Variants in MYH4 observed in about 807,000 individuals in gnomAD.
MYH4 encodes myosin heavy chain 4.
A neutral mutation model predicts 229.9 loss-of-function variants in MYH4; 200 were observed. That is an observed-to-expected ratio of 0.87 (90% CI 0.78 to 0.98). The LOEUF is 0.98. Among genes scored for constraint, MYH4 ranks in the 50% least tolerant of loss-of-function variants. The pLI is 0.00. For synonymous variants in MYH4, 761 were observed against 834.6 expected (o/e 0.91, Z 1.52); for missense variants, 2,148 against 2,332.6 (o/e 0.92, Z 1.63).
Position 10,453,804 on chromosome 17 carries a change from C to T in MYH4, c.2773G>A (p.Glu925Lys). The T allele has an allele frequency of 1.2e-6, 2 of 1,614,104 alleles. No individual in the cohort carries two copies. The highest frequency in any genetic ancestry group is 1.7e-6 in the Non-Finnish European group (2 of 1,180,000). Residue 925 changes from glutamate (E) to lysine (K), a missense_variant, in exon 23 of 40, where the codon GAG becomes AAG. Glu to Lys is a moderately conservative substitution (Grantham distance 56). Coordinates refer to ENST00000255381, the MANE Select transcript of MYH4 (RefSeq NM_017533.2). ...TKIQLEAKIK[E>K]VTERAEDEEE... ...TCATCCTCAGCTCTTTCAGTTACCTCTTTGATTTTGGCCTCAAGTTGGATT... is the reference window on the plus strand; with the variant it reads ...TCATCCTCAGCTCTTTCAGTTACCTTTTTGATTTTGGCCTCAAGTTGGATT...
Position 10,459,318 on chromosome 17 carries a change from T to G in MYH4, c.1520A>C (p.Glu507Ala), listed in dbSNP as rs200100694. The change falls in exon 15 of 40, where the codon GAA becomes GCA. Residue 507 changes from glutamate (E) to alanine (A), a missense_variant. Glu to Ala is a moderately radical substitution (Grantham distance 107). Transcript: ENST00000255381. Reference protein sequence around the residue: ...FVLEQEEYKKEGIEWEFIDFG... With the variant: ...FVLEQEEYKKAGIEWEFIDFG... ...GTCAATGAACTCCCACTCGATGCCT[T>G]CCTTCTTGTACTCTTCCTGCTCCAG... 6.0e-5 allele frequency: 97 copies of G among 1,614,148 alleles called. No homozygotes were observed. The highest frequency in any genetic ancestry group is 1.2e-4 in the African/African-American group (9 of 75,030).
rs2072625086 is a variant in MYH4 at position 10,455,183 on chromosome 17, C to T, written c.2287G>A (p.Gly763Ser). 24 of 1,614,016 alleles carry T rather than the reference C, an allele frequency of 1.5e-5. 1 individual carries two copies. Among genetic ancestry groups the T allele is most frequent in the Middle Eastern group, 1.6e-4 (1 of 6,062 alleles). Reference sequence around the variant, plus strand: ...TGGACTGGTGATACCTTGGTATGACCGAATTTGTACTGGGTGTGGTCAATT... The same window carrying T: ...TGGACTGGTGATACCTTGGTATGACTGAATTTGTACTGGGTGTGGTCAATT... ...IEIDHTQYKF[G>S]HTKVFFKAGL... Residue 763 changes from glycine (G) to serine (S), a missense_variant, in exon 20 of 40, where the codon GGT (glycine) becomes AGT (serine). By Grantham distance (56) the Gly-to-Ser change is moderately conservative. Transcript: ENST00000255381.
rs368975834 is a variant in MYH4 at position 10,466,647 on chromosome 17, A to T, written c.99T>A (p.Asp33Glu). Residue 33 changes from aspartate to glutamate, a missense_variant, in exon 3 of 40, where the codon GAT becomes GAA. Coordinates refer to ENST00000255381, the MANE Select transcript of MYH4 (RefSeq NM_017533.2). ...ERIEAQNKPF[D>E]AKTSVFVVDP... The stretch of plus-strand genomic sequence containing the variant: ...CCACCACAAAGACTGATGTCTTGGC[A>T]TCAAAAGGCTTGTTCTGAGCTTCAA... 2 of 1,614,144 alleles carry T rather than the reference A, an allele frequency of 1.2e-6. No individual in the cohort carries two copies. Among genetic ancestry groups the T allele is most frequent in the Non-Finnish European group, 1.7e-6 (2 of 1,180,036 alleles).
In MYH4 at chr17:10,445,116, C is replaced by A; in HGVS notation, c.5326G>T (p.Glu1776Ter). 1.9e-6 allele frequency: 3 copies of A among 1,614,172 alleles called. No homozygotes were observed. Among genetic ancestry groups the A allele is most frequent in the Non-Finnish European group, 2.5e-6 (3 of 1,180,030 alleles). The change falls in exon 37 of 40, where the codon GAA (glutamate) becomes TAA (stop). Residue 1776 changes from glutamate to a stop codon, truncating the protein, a stop_gained. Transcript: ENST00000255381. LOFTEE classifies it high-confidence loss of function. ...AAMMAEELKKEQDTSAHLERM... is the reference protein window; with the variant it reads ...AAMMAEELKK ...TCCAGGTGGGCGCTGGTGTCCTGTT[C>A]CTTCTTCAGCTCCTCAGCCATCATG...
Position 10,454,591 on chromosome 17 carries a change from C to T in MYH4, c.2655G>A (p.Met885Ile). 1 of 1,614,040 alleles carries T rather than the reference C, an allele frequency of 6.2e-7. No individual in the cohort carries two copies. ...KELEEKMVTL[M>I]QEKNDLQLQV... ...GGAGTTGTAAGTCATTTTTCTCTTG[C>T]ATTAGCGTCACCATCTTTTCTTCTA... The change falls in exon 22 of 40, where the codon ATG becomes ATA. Residue 885 changes from methionine (M) to isoleucine (I), a missense_variant. Transcript: ENST00000255381.
chr17:10,452,818 C>T lies in MYH4; in HGVS notation c.3226G>A (p.Asp1076Asn), dbSNP rs201422966. 1 of 1,608,904 alleles carries T rather than the reference C, an allele frequency of 6.2e-7. No homozygotes were observed. The highest frequency in any genetic ancestry group is 8.5e-7 in the Non-Finnish European group (1 of 1,179,170). ...AQESTMDTEN[D>N]KQQLNEKLKK... ...AGTTTCTCATTAAGTTGCTGTTTGTCATTTTCTGTATCCATTGTGGATTCT... is the reference window on the plus strand; with the variant it reads ...AGTTTCTCATTAAGTTGCTGTTTGTTATTTTCTGTATCCATTGTGGATTCT... Residue 1076 changes from aspartate to asparagine, a missense_variant, in exon 25 of 40, where the codon GAC becomes AAC. By Grantham distance (23) the Asp-to-Asn change is conservative. Transcript: ENST00000255381.
Position 10,462,853 on chromosome 17 carries a change from C to A in MYH4, c.1008+12G>T, listed in dbSNP as rs1157605733. ...TGAATTTACTTTTTACTACTTTGTA[C>A]CTATTACTTACATCTGTGGCCATCA... On this transcript the variant is annotated intron_variant, in intron 11 of 39. Coordinates refer to ENST00000255381, the MANE Select transcript of MYH4 (RefSeq NM_017533.2). 6.2e-7 allele frequency: 1 copy of A among 1,602,720 alleles called. No individual in the cohort carries two copies. Among genetic ancestry groups the A allele is most frequent in the Non-Finnish European group, 8.5e-7 (1 of 1,171,064 alleles).
chr17:10,464,359 T>G (rs775880187), intron 7 of MYH4, 113 bp downstream of exon 7: 3 of 876,710 alleles, frequency 3.4e-6, no homozygotes, highest in Non-Finnish European at 5.2e-6. Context: ...TAAGGCTGCA[T>G]AGTATTCCAT....
Position 10,463,699 on chromosome 17 carries a change from A to G in MYH4, c.649-56T>C, listed in dbSNP as rs2072728620. 3.6e-6 allele frequency: 5 copies of G among 1,380,810 alleles called. No homozygotes were observed. The East Asian group carries it at 9.2e-5, about 25-fold the overall frequency. 85.5% of individuals were successfully genotyped at this position (1,380,810 alleles called of 1,614,324 possible). ...AAAAAGTTGCAGTAAATAATTTCCC[A>G]TTGACCTCTTTCCCTTCCCCATTGC... On this transcript the variant is annotated intron_variant, in intron 7 of 39. Transcript: ENST00000255381.
intron 35 of MYH4, among the ~76,000 whole-genome samples, chr17:10,446,134 A>G (rs1363465085): frequency 1.3e-5 from 2 of 151,846 alleles, no homozygotes; most frequent in Non-Finnish European, 2.9e-5. Context: ...AGTCAACTTC[A>G]GATACTGTTA....
chr17:10,463,174 A>T lies in MYH4; in HGVS notation c.820T>A (p.Ser274Thr), dbSNP rs554671029. The T allele has an allele frequency of 7.2e-5, 116 of 1,613,230 alleles. 1 individual carries two copies. In the South Asian group the frequency reaches 1.2e-3, roughly 17 times the overall value. Residue 274 changes from serine to threonine, a missense_variant, in exon 10 of 40, where the codon TCC (serine) becomes ACC (threonine). Ser to Thr is a moderately conservative substitution (Grantham distance 58). Coordinates refer to ENST00000255381, the MANE Select transcript of MYH4 (RefSeq NM_017533.2). ...GCCTTTAGCTGAAAAGTAACTCGGG[A>T]CTTCTCTAGCAGATCTGGAAGTCAG... ...ADIETYLLEK[S>T]RVTFQLKAER...
intron 34 of MYH4, 132 bp from the exon 35 acceptor site, chr17:10,447,348 T>C (rs1001574167): frequency 4.3e-5 from 30 of 704,268 alleles, no homozygotes; most frequent in Non-Finnish European, 6.2e-5. Flanking sequence ...GTACCTTTAA[T>C]AATAAATTCT....
At position 10,455,689 on chromosome 17, in the gene MYH4, T is replaced by G; in HGVS notation, c.2099A>C (p.Asn700Thr). The G allele has an allele frequency of 1.2e-6, 2 of 1,614,170 alleles. No individual in the cohort carries two copies. The highest frequency in any genetic ancestry group is 1.7e-6 in the Non-Finnish European group (2 of 1,180,016). ...GATGCGGATGCCTTCCAGCACACCG[T>G]TACACCTCAGCTGATGCAGGACAAG... ...HELVLHQLRC[N>T]GVLEGIRICR... The change falls in exon 19 of 40, where the codon AAC becomes ACC. Residue 700 changes from asparagine to threonine, a missense_variant. Transcript: ENST00000255381.
In MYH4 at chr17:10,447,952, T is replaced by C; in HGVS notation, c.4831A>G (p.Ser1611Gly). 1 of 1,614,012 alleles carries C rather than the reference T, an allele frequency of 6.2e-7. No individual in the cohort carries two copies. Among genetic ancestry groups the C allele is most frequent in the Non-Finnish European group, 8.5e-7 (1 of 1,179,974 alleles). ...TTGATCCTCAGAGCATCATTTCTGC[T>C]CCTGATCTCAGCATCCAGTGTACTC... is the stretch of plus-strand genomic sequence containing the variant. Reference protein sequence around the residue: ...MQSTLDAEIRSRNDALRIKKK... With the variant: ...MQSTLDAEIRGRNDALRIKKK... Residue 1611 changes from serine (S) to glycine (G), a missense_variant, in exon 34 of 40, where the codon AGC (serine) becomes GGC (glycine). Coordinates refer to ENST00000255381, the MANE Select transcript of MYH4 (RefSeq NM_017533.2).
Position 10,454,636 on chromosome 17 carries a change from T to C in MYH4, c.2610A>G (p.Thr870=). 1 of 1,614,232 alleles carries C rather than the reference T, an allele frequency of 6.2e-7. No homozygotes were observed. Among genetic ancestry groups the C allele is most frequent in the South Asian group, 1.1e-5 (1 of 91,082 alleles). The part of the protein sequence containing the change: ...FEKTKEELAK[T]EAKRKELEEK... ...CTTCTAGTTCTTTCCTTTTTGCCTC[T>C]GTCTTAGCCAGCTCTTCTTTGGTTT... The change falls in exon 22 of 40, where the codon ACA becomes ACG. Residue 870 remains threonine, a synonymous_variant. Coordinates refer to ENST00000255381, the MANE Select transcript of MYH4 (RefSeq NM_017533.2).
intron 27 of MYH4, 26 bp from the exon 28 acceptor site, chr17:10,451,478 A>C: frequency 6.2e-7 from 1 of 1,607,698 alleles, no homozygotes; most frequent in African/African-American, 1.3e-5. Flanking sequence ...GAAAACAGGA[A>C]GAGACAATAC....
intron 2 of MYH4, among the ~76,000 whole-genome samples, chr17:10,468,351 A>C (rs11656907): frequency 0.87 from 132,519 of 152,126 alleles, 58,784 homozygotes; most frequent in East Asian, 1. Flanking sequence ...ATCAAGCCCC[A>C]ATAGAGCCTC....
intron 39 of MYH4, among the ~76,000 whole-genome samples, 197 bp downstream of exon 39, chr17:10,444,407 G>A (rs1454762547): frequency 6.6e-6 from 1 of 152,142 alleles, no homozygotes; most frequent in African/African-American, 2.4e-5. Context: ...ATTGCTTAAA[G>A]AGGTCTCAGA....
rs774164542 is a variant in MYH4 at position 10,449,049 on chromosome 17, T to G, written c.4182-2A>C. The G allele has an allele frequency of 1.2e-6, 2 of 1,613,796 alleles. No homozygotes were observed. The highest frequency in any genetic ancestry group is 1.7e-6 in the Non-Finnish European group (2 of 1,179,912). On this transcript the variant is annotated splice_acceptor_variant, in intron 30 of 39. Transcript: ENST00000255381. LOFTEE classifies it high-confidence loss of function. ...TGCAGACGCTGGGCTAGCTTCTTCC[T>G]GAAAATTGGGTCAGTATGAGTGACC...
Sources: allele counts gnomAD v4.1 joint callset (sites outside exome capture counted in the v4.1 genomes callset), GRCh38; gene constraint gnomAD v4.1.1; transcripts MANE v1.5; gene names NCBI Gene and HGNC (gene_info 2026-07-23, HGNC 2026-07-21).